Variants in MEFV observed in about 807,000 individuals in gnomAD.
The protein encoded by MEFV is MEFV innate immunity regulator, pyrin, also known as pyrin.
A neutral mutation model predicts 62.5 loss-of-function variants in MEFV; 60 were observed. The observed-to-expected ratio is 0.96, with a 90% confidence interval of 0.78 to 1.19. The LOEUF is 1.19. Among genes scored for constraint, MEFV ranks in the 50% most tolerant of loss-of-function variants. MEFV has a pLI of 0.00. For missense variants in MEFV, 1,169 were observed against 1,004.5 expected (o/e 1.16, Z -2.21); for synonymous variants, 500 against 415.2 (o/e 1.20, Z -2.48).
chr16:3,250,617 C>A (rs189100962), intron 2 of MEFV, among the ~76,000 whole-genome samples: 45 of 151,384 alleles, frequency 3.0e-4, no homozygotes, highest in African/African-American at 1.1e-3. Context: ...AGAAGGGGGG[C>A]ATTATAGGGC....
chr16:3,246,738 C>T (rs149199065), intron 5 of MEFV, among the ~76,000 whole-genome samples, 191 bp from the exon 6 acceptor site: 296 of 152,302 alleles, frequency 1.9e-3, no homozygotes, highest in African/African-American at 6.8e-3. Context: ...TCAGGCATCC[C>T]AGGTGGCGAG....
intron 1 of MEFV, among the ~76,000 whole-genome samples, chr16:3,256,082 T>C (rs1959111381): frequency 6.6e-6 from 1 of 152,198 alleles, no homozygotes; most frequent in Non-Finnish European, 1.5e-5. Context: ...TTCGTGACCC[T>C]GACCTGCTTC....
intron 2 of MEFV, chr16:3,252,051 T>TAAA: frequency 1.3e-4 from 35 of 263,728 alleles, no homozygotes; most frequent in South Asian, 2.2e-4. Flanking sequence ...ACCCCATATC[T>TAAA]AAAAAAAAAA....
At chr16:3,246,853 G>C (rs1958949999) in intron 5 of MEFV, among the ~76,000 whole-genome samples, 163 bp downstream of exon 5, 1 of 152,198 alleles carries the variant, frequency 6.6e-6, no homozygotes, top group Non-Finnish European at 1.5e-5. Flanking sequence ...CTCATCAAAG[G>C]GGTCTGGGCA....
rs1166897292 is a variant in MEFV at position 3,243,690 on chromosome 16, A to G, written c.1797T>C (p.Asn599=). 1.2e-6 allele frequency: 2 copies of G among 1,610,668 alleles called. No individual in the cohort carries two copies. The highest frequency in any genetic ancestry group is 2.2e-5 in the South Asian group (2 of 90,714). ...AAGCGGTTTCTGCATCCAGAATCAC[A>G]TTAACTGCAAAGAAAATTTGAATAC... is the stretch of plus-strand genomic sequence containing the variant. ...ELIGAQAHAV[N]VILDAETAYP... The change falls in exon 10 of 10, where the codon AAT becomes AAC. Residue 599 remains asparagine (N), a synonymous_variant. Transcript: ENST00000219596.
At chr16:3,250,300 C>T (rs1959013193) in intron 2 of MEFV, among the ~76,000 whole-genome samples, 1 of 152,158 alleles carries the variant, frequency 6.6e-6, no homozygotes, top group African/African-American at 2.4e-5. Flanking sequence ...CATATGAGTT[C>T]AATAACCATT....
chr16:3,244,058 G>A (rs1958902579), intron 8 of MEFV, 166 bp from the exon 9 acceptor site: 2 of 1,551,548 alleles, frequency 1.3e-6, no homozygotes, highest in Non-Finnish European at 1.7e-6. Flanking sequence ...GCCATGTTGG[G>A]GACTGTGGTC....
intron 2 of MEFV, among the ~76,000 whole-genome samples, chr16:3,252,975 G>C (rs1340750251): frequency 7.1e-6 from 1 of 140,398 alleles, no homozygotes; most frequent in Non-Finnish European, 1.5e-5. Flanking sequence ...AAAAAAAAAG[G>C]AAAGTGTGTT....
At chr16:3,256,196 G>C (rs1959112746) in intron 1 of MEFV, 115 bp downstream of exon 1, 4 of 1,261,744 alleles carry the variant, frequency 3.2e-6, no homozygotes, top group African/African-American at 3.0e-5. Context: ...GATTTTGGTA[G>C]ACCTGAGACT....
Position 3,254,415 on chromosome 16 carries a change from C to G in MEFV, c.653G>C (p.Gly218Ala). Residue 218 changes from glycine (G) to alanine (A), a missense_variant, in exon 2 of 10, where the codon GGG becomes GCG. By Grantham distance (60) the Gly-to-Ala change is moderately conservative. Coordinates refer to ENST00000219596, the MANE Select transcript of MEFV (RefSeq NM_000243.3). ...SSAGRLQGLA[G>A]GAPGQKECRP... The stretch of plus-strand genomic sequence containing the variant: ...GCACTCCTTCTGCCCCGGGGCGCCC[C>G]CCGCCAGCCCCTGCAGCCTCCCCGC... The G allele has an allele frequency of 3.1e-6, 5 of 1,612,690 alleles. No homozygotes were observed. Among genetic ancestry groups the G allele is most frequent in the Non-Finnish European group, 4.2e-6 (5 of 1,179,666 alleles).
chr16:3,245,915 G>T (rs193279213), intron 6 of MEFV, among the ~76,000 whole-genome samples: 3 of 152,296 alleles, frequency 2.0e-5, no homozygotes, highest in Admixed American at 6.5e-5. Context: ...AAAGTTAGAA[G>T]AAGTCCCGAT....
At position 3,249,711 on chromosome 16, in the gene MEFV, CA is replaced by C; in HGVS notation, c.979del (p.Cys327ValfsTer41). 1 of 1,613,934 alleles carries C rather than the reference CA, an allele frequency of 6.2e-7. No homozygotes were observed. Among genetic ancestry groups the C allele is most frequent in the Non-Finnish European group, 8.5e-7 (1 of 1,179,866 alleles). On this transcript the variant is annotated frameshift_variant, in exon 3 of 10. Coordinates refer to ENST00000219596, the MANE Select transcript of MEFV (RefSeq NM_000243.3). LOFTEE classifies it high-confidence loss of function. Reference sequence around the variant, plus strand: ...GGGGAAGCTGCAGGAATCACGCACACAGGTACCGTCAACTGGGTCTCCTTCC... The same window carrying C: ...GGGGAAGCTGCAGGAATCACGCACACGGTACCGTCAACTGGGTCTCCTTCC... ...AQEGDPVDGT[C>X]VRDSCSFPEA... is the part of the protein sequence containing the mutation.
intron 6 of MEFV, among the ~76,000 whole-genome samples, chr16:3,245,384 G>A (rs1958926060): frequency 6.6e-6 from 1 of 152,300 alleles, no homozygotes; most frequent in Admixed American, 6.5e-5. Flanking sequence ...GCTCACGCCT[G>A]CAATCCCAGC....
At chr16:3,246,613 C>T (rs1366145319) in intron 5 of MEFV, 66 bp from the exon 6 acceptor site, 3 of 1,593,810 alleles carry the variant, frequency 1.9e-6, no homozygotes, top group Non-Finnish European at 8.6e-7. Context: ...CTCCTGGCCT[C>T]TACTTCTGGG....
Position 3,250,989 on chromosome 16 carries a change from A to T in MEFV, c.911-1209T>A, listed in dbSNP as rs563076355. Among the ~76,000 whole-genome samples, 10 of 141,154 alleles carry T rather than the reference A, an allele frequency of 7.1e-5. No homozygotes were observed. In the East Asian group the frequency reaches 1.0e-3, roughly 15 times the overall value. The allele number at this position is 141,154 out of a possible 152,430, so 92.6% of individuals were successfully genotyped here. A position where few individuals can be genotyped will look rare whatever the true frequency, so the allele number is the denominator to read the frequency against. The stretch of plus-strand genomic sequence containing the variant: ...CAGTGAGCTGAAGTTGCGCCACTGC[A>T]CTCCAGTCTGGGTGACCAAGAGAGA... On this transcript the variant is annotated intron_variant, in intron 2 of 9. Transcript: ENST00000219596.
intron 4 of MEFV, chr16:3,248,579 G>C: frequency 2.3e-6 from 1 of 437,346 alleles, no homozygotes; most frequent in Non-Finnish European, 3.9e-6. Flanking sequence ...GACAGAGCGA[G>C]ACTCCGTCAC....
rs772221366 is a variant in MEFV at position 3,256,570 on chromosome 16, A to G, written c.18T>C (p.Ser6=). 6.2e-7 allele frequency: 1 copy of G among 1,614,178 alleles called. No individual in the cohort carries two copies. The highest frequency in any genetic ancestry group is 8.5e-7 in the Non-Finnish European group (1 of 1,180,042). The part of the protein sequence containing the change: MAKTP[S]DHLLSTLEEL... ...CCTCCAGGGTGGACAGCAGATGGTC[A>G]CTAGGGGTCTTAGCCATGGTGCTGA... The change falls in exon 1 of 10, where the codon AGT becomes AGC. Residue 6 remains serine, a synonymous_variant. Coordinates refer to ENST00000219596, the MANE Select transcript of MEFV (RefSeq NM_000243.3).
chr16:3,247,257 G>C lies in MEFV; in HGVS notation c.1357-11C>G. On this transcript the variant is annotated splice_polypyrimidine_tract_variant and intron_variant, in intron 4 of 9. Coordinates refer to ENST00000219596, the MANE Select transcript of MEFV (RefSeq NM_000243.3). ...CGCTTCAGTTTGTTTCTGGGGAGCA[G>C]AGGACAGGGAGGTATGGGGGTCTGT... is the stretch of plus-strand genomic sequence containing the variant. 6.2e-7 allele frequency: 1 copy of C among 1,613,206 alleles called. No homozygotes were observed. Among genetic ancestry groups the C allele is most frequent in the Non-Finnish European group, 8.5e-7 (1 of 1,179,468 alleles).
chr16:3,252,263 C>A (rs567430495), intron 2 of MEFV, among the ~76,000 whole-genome samples: 4 of 150,942 alleles, frequency 2.7e-5, no homozygotes, highest in African/African-American at 9.7e-5. Flanking sequence ...GGTCCCTGGA[C>A]TCCCAATTCT....
Sources: gnomAD v4.1 joint callset for allele counts (sites outside exome capture counted in the v4.1 genomes callset) on GRCh38, gnomAD v4.1.1 for gene constraint, MANE v1.5 for transcripts, NCBI Gene and HGNC (gene_info 2026-07-23, HGNC 2026-07-21) for gene names.